The following GFRA2 variants were observed in gnomAD, a reference collection of about 807,000 sequenced individuals.
GFRA2 encodes the protein GDNF family receptor alpha-2.
Under a neutral mutation model 48.3 loss-of-function variants are expected in GFRA2, and 17 were observed. The observed-to-expected ratio is 0.35, with a 90% CI of 0.24 to 0.53. The LOEUF is 0.53. Ranked by LOEUF, GFRA2 falls within the 20% of genes least tolerant of loss-of-function variation. GFRA2 has a pLI of 0.93. For missense variants in GFRA2, 660 were observed against 637.3 expected (o/e 1.04, Z -0.38); for synonymous variants, 305 against 257.2 (o/e 1.19, Z -1.78).
intron 4 of GFRA2, among the ~76,000 whole-genome samples, chr8:21,736,312 G>GA (rs922621153): frequency 3.3e-4 from 49 of 150,660 alleles, no homozygotes; most frequent in Admixed American, 8.6e-4. Flanking sequence ...TATTTAGAGA[G>GA]AAAAAAAAAT....
chr8:21,788,477 C>A lies in GFRA2; in HGVS notation c.-318G>T. ...GGGGTCAGCCCTCCCCTCCAATCGT[C>A]CGGGAAGGCGTGAGTCCCCGCGGGT... On this transcript the variant is annotated 5_prime_UTR_variant, in exon 1 of 9. Transcript: ENST00000524240. 9.1e-7 allele frequency: 1 copy of A among 1,101,014 alleles called. No individual in the cohort carries two copies. The highest frequency in any genetic ancestry group is 1.1e-6 in the Non-Finnish European group (1 of 905,684). The allele number at this position is 1,101,014 out of a possible 1,614,324, so 68.2% of individuals were successfully genotyped here.
At chr8:21,809,668 C>T (rs574024129) in intron 1 of GFRA2, among the ~76,000 whole-genome samples, 28 of 152,302 alleles carry the variant, frequency 1.8e-4, no homozygotes, top group Non-Finnish European at 2.9e-4. Flanking sequence ...GCCTGTACCC[C>T]CCAGTTCCCT....
chr8:21,700,015 C>G (rs1228936942), intron 7 of GFRA2, among the ~76,000 whole-genome samples: 1 of 152,178 alleles, frequency 6.6e-6, no homozygotes, highest in Non-Finnish European at 1.5e-5. Context: ...GGAAGGCAAC[C>G]TGGTGTGGAC....
intron 4 of GFRA2, among the ~76,000 whole-genome samples, chr8:21,715,358 G>T (rs1039078099): frequency 1.6e-4 from 25 of 152,200 alleles, no homozygotes; most frequent in African/African-American, 5.6e-4. Context: ...ACCTAGGCTG[G>T]AGTGCAATGG....
intron 4 of GFRA2, among the ~76,000 whole-genome samples, chr8:21,732,172 G>T (rs1255462871): frequency 6.6e-6 from 1 of 152,234 alleles, no homozygotes; most frequent in Non-Finnish European, 1.5e-5. Context: ...GACACAGCAG[G>T]GGAGATGGAA....
At chr8:21,799,334 C>T (rs1421928393) in intron 2 of GFRA2, among the ~76,000 whole-genome samples, 4 of 151,900 alleles carry the variant, frequency 2.6e-5, no homozygotes, top group Non-Finnish European at 5.9e-5. Flanking sequence ...TCTCCTGTCT[C>T]AGCCTCCTGA....
intron 2 of GFRA2, among the ~76,000 whole-genome samples, chr8:21,777,974 C>T (rs1806792067): frequency 6.6e-6 from 1 of 152,204 alleles, no homozygotes; most frequent in Non-Finnish European, 1.5e-5. Flanking sequence ...GCCCTCTCTC[C>T]ATCCTCCCCA....
chr8:21,795,661 G>A (rs983238674), intron 2 of GFRA2, among the ~76,000 whole-genome samples: 4 of 152,186 alleles, frequency 2.6e-5, no homozygotes, highest in African/African-American at 4.8e-5. Flanking sequence ...CCAAAGTGCT[G>A]GGAGTACAGG....
chr8:21,767,791 G>T (rs1806250515), intron 3 of GFRA2, among the ~76,000 whole-genome samples: 1 of 152,334 alleles, frequency 6.6e-6, no homozygotes, highest in Non-Finnish European at 1.5e-5. Flanking sequence ...AAGAGGCTTT[G>T]GTTGTGGGAG....
intron 1 of GFRA2, among the ~76,000 whole-genome samples, chr8:21,787,683 C>T (rs1807350461): frequency 6.6e-6 from 1 of 152,224 alleles, no homozygotes; most frequent in Non-Finnish European, 1.5e-5. Context: ...GGGGAGCAGA[C>T]CAGGAAAGGC....
rs928900172 is a variant in GFRA2, at chr8:21,795,976, C to T, written c.-35-7782G>A. Among the ~76,000 whole-genome samples the T allele has an allele frequency of 1.2e-4, 18 of 152,244 alleles. 1 individual carries two copies. The highest frequency in any genetic ancestry group is 2.5e-4 in the Non-Finnish European group (17 of 68,044). ...TGGGAAGGGCTGTTTCTCTGAATTC[C>T]TGTTTCACCAGAAATCCCAGACTTC... is the stretch of plus-strand genomic sequence containing the variant. On this transcript the variant is annotated intron_variant, in intron 2 of 10. Coordinates refer to the GFRA2 transcript ENST00000517328.
At chr8:21,764,253 T>C (rs1285935720) in intron 3 of GFRA2, among the ~76,000 whole-genome samples, 2 of 152,144 alleles carry the variant, frequency 1.3e-5, no homozygotes, top group African/African-American at 4.8e-5. Flanking sequence ...AGGACTCACT[T>C]GCTTGTTCAC....
At position 21,705,091 on chromosome 8, in the gene GFRA2, G is replaced by C. The variant is rs1320826710; in HGVS notation, c.939C>G (p.Ser313Arg). Reference protein sequence around the residue: ...FDMTPNYVDSSPTGIVVSPWC... With the variant: ...FDMTPNYVDSRPTGIVVSPWC... ...AGGGGGACACCACGATGCCAGTGGGGCTGGAGTCCACATAGTTAGGTGTCA... is the reference window on the plus strand; with the variant it reads ...AGGGGGACACCACGATGCCAGTGGGCCTGGAGTCCACATAGTTAGGTGTCA... The change falls in exon 6 of 9, where the codon AGC becomes AGG. Residue 313 changes from serine to arginine, a missense_variant. Physicochemically the swap from Ser to Arg is moderately radical, Grantham distance 110. Transcript: ENST00000524240. 6.2e-7 allele frequency: 1 copy of C among 1,611,086 alleles called. No individual in the cohort carries two copies. The highest frequency in any genetic ancestry group is 1.3e-5 in the African/African-American group (1 of 74,866).
At position 21,692,214 on chromosome 8, in the gene GFRA2, T is replaced by C. The variant is rs1250595509; in HGVS notation, c.*1064A>G. 2.6e-5 allele frequency: 4 copies of C among 152,354 alleles called. No individual in the cohort carries two copies. Among genetic ancestry groups the C allele is most frequent in the African/African-American group, 9.7e-5 (4 of 41,372 alleles). 9.4% of individuals were successfully genotyped at this position (152,354 alleles called of 1,614,324 possible). ...CTCATCTGTTGGGGTATTATTTCCA[T>C]AGTTTTGTTGCTTAAAAAAAGGAAA... On this transcript the variant is annotated 3_prime_UTR_variant, in exon 9 of 9. Coordinates refer to ENST00000524240, the MANE Select transcript of GFRA2 (RefSeq NM_001495.5).
intron 4 of GFRA2, among the ~76,000 whole-genome samples, chr8:21,747,438 C>A (rs566311680): frequency 8.5e-5 from 13 of 152,146 alleles, no homozygotes; most frequent in African/African-American, 3.1e-4. Flanking sequence ...TCGCCTCAAT[C>A]GGTTTGTGTA....
At chr8:21,712,377 G>A (rs1237634772) in intron 4 of GFRA2, among the ~76,000 whole-genome samples, 1 of 150,780 alleles carries the variant, frequency 6.6e-6, no homozygotes, top group African/African-American at 2.4e-5. Flanking sequence ...CGGGGCGGCG[G>A]GGCAGAGGCG....
In GFRA2 at chr8:21,706,768, T is replaced by C. The variant is rs1379169948; in HGVS notation, c.795-727A>G. Reference sequence around the variant, plus strand: ...TGCATCAAAACTCCTTGTGCACAGCTCTATGTTCCCCACTGGGCCATGAGC... The same window carrying C: ...TGCATCAAAACTCCTTGTGCACAGCCCTATGTTCCCCACTGGGCCATGAGC... On this transcript the variant is annotated intron_variant, in intron 4 of 8. Coordinates refer to ENST00000524240, the MANE Select transcript of GFRA2 (RefSeq NM_001495.5). 2.6e-5 allele frequency among the ~76,000 whole-genome samples: 4 copies of C among 152,148 alleles called. No homozygotes were observed. In the East Asian group the frequency reaches 5.8e-4, roughly 22 times the overall value.
intron 4 of GFRA2, among the ~76,000 whole-genome samples, chr8:21,719,374 G>A (rs1016270587): frequency 2.0e-5 from 3 of 151,942 alleles, no homozygotes; most frequent in Non-Finnish European, 4.4e-5. Context: ...CAAGCAGATG[G>A]GCAGATCCCC....
chr8:21,751,019 G>A, intron 3 of GFRA2, 77 bp from the exon 4 acceptor site: 1 of 954,432 alleles, frequency 1.0e-6, no homozygotes, highest in Non-Finnish European at 1.6e-6. Context: ...ACTGGAAGAT[G>A]TCTCCCAGTA....
Sources: allele counts gnomAD v4.1 joint callset (sites outside exome capture counted in the v4.1 genomes callset), GRCh38; gene constraint gnomAD v4.1.1; transcripts MANE v1.5; gene names NCBI Gene and HGNC (gene_info 2026-07-23, HGNC 2026-07-21).